Variants in SHANK2 observed in about 807,000 individuals in gnomAD.
SHANK2 encodes the protein SH3 and multiple ankyrin repeat domains protein 2.
SHANK2 carries 43 observed loss-of-function variants against 133.7 expected under a neutral mutation model. The ratio of observed to expected loss-of-function variants is 0.32; its 90% confidence interval spans 0.25 to 0.41. The LOEUF (loss-of-function observed/expected upper bound fraction) is 0.41, where lower values mean the gene tolerates loss of function less well. Ranked by LOEUF, SHANK2 falls within the 10% of genes least tolerant of loss-of-function variation. The probability of loss-of-function intolerance (pLI) is 1.00; values close to 1 mark genes in which losing one functional copy is unlikely to be tolerated. For synonymous variants in SHANK2, 1,017 were observed against 952.8 expected (o/e 1.07, Z -1.24); for missense variants, 1,994 against 2,235.8 (o/e 0.89, Z 2.18).
At chr11:70,865,652 C>T (rs1555068881) in intron 11 of SHANK2, among the ~76,000 whole-genome samples, 1 of 152,192 alleles carries the variant, frequency 6.6e-6, no homozygotes, top group African/African-American at 2.4e-5. Context: ...TCCAAAATTG[C>T]TCTTGAGTCT....
intron 5 of SHANK2, among the ~76,000 whole-genome samples, chr11:71,111,551 G>T (rs1013242876): frequency 2.6e-5 from 4 of 152,160 alleles, no homozygotes; most frequent in Non-Finnish European, 4.4e-5. Context: ...CGCCTGCTGC[G>T]TCTAACACTC....
At position 70,485,646 on chromosome 11, in the gene SHANK2, C is replaced by A; in HGVS notation, c.4647G>T (p.Lys1549Asn). The A allele has an allele frequency of 6.2e-7, 1 of 1,614,056 alleles. No homozygotes were observed. Reference protein sequence around the residue: ...FMVDKPPVPPKPKMKPIIHKS... With the variant: ...FMVDKPPVPPNPKMKPIIHKS... ...TGTGAATGATGGGCTTCATTTTTGG[C>A]TTAGGAGGTACTGGGGGTTTGTCAA... The change falls in exon 25 of 26, where the codon AAG becomes AAT. Residue 1549 changes from lysine to asparagine, a missense_variant. This residue lies in a region of SHANK2 where 797 missense variants were observed against 907.4 expected (regional missense o/e 0.88). Coordinates refer to ENST00000601538, the MANE Select transcript of SHANK2 (RefSeq NM_012309.5). The surrounding 1 kb of genome is among the most constrained non-coding windows in gnomAD (Gnocchi z 5.8).
intron 14 of SHANK2, among the ~76,000 whole-genome samples, chr11:70,708,513 T>C (rs1295712104): frequency 1.3e-5 from 2 of 152,122 alleles, no homozygotes; most frequent in Admixed American, 1.3e-4. Flanking sequence ...CTGGGTTACT[T>C]TTTGTCAAAG....
intron 14 of SHANK2, among the ~76,000 whole-genome samples, chr11:70,766,950 G>A (rs1221653679): frequency 6.6e-6 from 1 of 152,216 alleles, no homozygotes; most frequent in Non-Finnish European, 1.5e-5. Context: ...GCGCTCCTTA[G>A]AAAATAACTA....
intron 14 of SHANK2, among the ~76,000 whole-genome samples, chr11:70,758,260 T>G (rs1033438089): frequency 6.6e-6 from 1 of 152,220 alleles, no homozygotes; most frequent in Non-Finnish European, 1.5e-5. Context: ...ATGGGAGCTC[T>G]GTTTTCACTC....
At chr11:70,873,467 G>A (rs1363349490) in intron 11 of SHANK2, among the ~76,000 whole-genome samples, 3 of 152,218 alleles carry the variant, frequency 2.0e-5, no homozygotes, top group African/African-American at 7.2e-5. Context: ...GTTCCGTGGA[G>A]GAGGAGGGGC....
chr11:70,714,321 CT>C (rs1945863437), intron 14 of SHANK2, among the ~76,000 whole-genome samples: 1 of 152,230 alleles, frequency 6.6e-6, no homozygotes, highest in Non-Finnish European at 1.5e-5. Context: ...AGCCTGGCCC[CT>C]GATGTCTGTT....
chr11:70,773,373 G>A (rs569008841), intron 14 of SHANK2, among the ~76,000 whole-genome samples: 20 of 152,302 alleles, frequency 1.3e-4, no homozygotes, highest in African/African-American at 3.1e-4. Context: ...GGGAACAGGC[G>A]ACAAATGTCA....
rs571636410 is a variant in SHANK2, at chr11:70,785,143, C to T, written c.1777+13300G>A. Among the ~76,000 whole-genome samples the T allele has an allele frequency of 3.9e-5, 6 of 152,230 alleles. No individual in the cohort carries two copies. The South Asian group carries it at 6.2e-4, about 16-fold the overall frequency. ...GATTTCTGGGTAGCCTGTGAGCCTC[C>T]GGGAGGACCCAGGCTATGGGCCCAA... is the stretch of plus-strand genomic sequence containing the variant. On this transcript the variant is annotated intron_variant, in intron 14 of 25. Transcript: ENST00000601538.
chr11:70,711,341 G>A (rs1468886761), intron 14 of SHANK2, among the ~76,000 whole-genome samples: 1 of 152,192 alleles, frequency 6.6e-6, no homozygotes, highest in East Asian at 1.9e-4. Flanking sequence ...TCCCTCCCAC[G>A]CAGCCTCCTG....
intron 3 of SHANK2, among the ~76,000 whole-genome samples, chr11:71,124,475 G>T (rs1410494286): frequency 6.6e-6 from 1 of 151,560 alleles, no homozygotes; most frequent in African/African-American, 2.4e-5. Flanking sequence ...CAGAAATTAC[G>T]CTAACCTTAT....
At chr11:71,135,157 C>G (rs1298869651) in intron 3 of SHANK2, among the ~76,000 whole-genome samples, 1 of 152,138 alleles carries the variant, frequency 6.6e-6, no homozygotes, top group Non-Finnish European at 1.5e-5. Flanking sequence ...AGCAAAGACC[C>G]TCTCCCATCC....
chr11:70,483,246 C>T (rs1474394502), intron 25 of SHANK2, among the ~76,000 whole-genome samples: 1 of 152,152 alleles, frequency 6.6e-6, no homozygotes, highest in Non-Finnish European at 1.5e-5. Flanking sequence ...GTGACTCATA[C>T]CTGCTCCCCA....
intron 10 of SHANK2, among the ~76,000 whole-genome samples, chr11:70,903,475 G>GCTTTGAAGCACAT (rs1425591999): frequency 6.8e-6 from 1 of 146,912 alleles, no homozygotes; most frequent in Admixed American, 6.9e-5. Flanking sequence ...TTAGCCTCAA[G>GCTTTGAAGCACAT]CTTTGAAGCA....
At chr11:70,770,037 T>C (rs1555042339) in intron 14 of SHANK2, among the ~76,000 whole-genome samples, 1 of 152,176 alleles carries the variant, frequency 6.6e-6, no homozygotes, top group Non-Finnish European at 1.5e-5. Context: ...AGCATGTACC[T>C]TCCCAGTGGC....
At chr11:70,647,972 A>G (rs1209843286) in intron 17 of SHANK2, among the ~76,000 whole-genome samples, 1 of 152,246 alleles carries the variant, frequency 6.6e-6, no homozygotes, top group Non-Finnish European at 1.5e-5. Context: ...GTTTATGTCG[A>G]CATTATTCAC....
chr11:70,870,921 G>A (rs1326793688), intron 11 of SHANK2, among the ~76,000 whole-genome samples: 1 of 152,146 alleles, frequency 6.6e-6, no homozygotes, highest in African/African-American at 2.4e-5. Context: ...GGGACTACAG[G>A]CACCCGCCAC....
At position 71,252,253 on chromosome 11, in the gene SHANK2, C is replaced by T. The variant is rs1344920341; in HGVS notation, c.-113+172G>A. Among the ~76,000 whole-genome samples, 9 of 152,222 alleles carry T rather than the reference C, an allele frequency of 5.9e-5. No homozygotes were observed. The East Asian group carries it at 7.8e-4, about 13-fold the overall frequency. On this transcript the variant is annotated intron_variant, in intron 1 of 25. Transcript: ENST00000601538. The surrounding 1 kb of genome is among the most constrained non-coding windows in gnomAD (Gnocchi z 6.3). ...CCCACCTGGACACGCGGCTCACTCC[C>T]CCCAGCGCCCACCTCTCCAGCCTCT...
At chr11:70,525,132 C>T (rs561899066) in intron 17 of SHANK2, among the ~76,000 whole-genome samples, 6 of 152,330 alleles carry the variant, frequency 3.9e-5, no homozygotes, top group African/African-American at 1.4e-4. Flanking sequence ...CAAACAGGGA[C>T]GCGTGTGGAG....
Sources: gnomAD v4.1 joint callset for allele counts (sites outside exome capture counted in the v4.1 genomes callset) on GRCh38, gnomAD v4.1.1 for gene constraint, gnomAD v4.1.1 regional missense constraint, Gnocchi (gnomAD v3.1) non-coding constraint, MANE v1.5 for transcripts, NCBI Gene and HGNC (gene_info 2026-07-23, HGNC 2026-07-21) for gene names.